Variants in KCNMA1 observed in about 807,000 individuals in gnomAD.
KCNMA1 encodes the protein Calcium-activated potassium channel subunit alpha-1.
KCNMA1 carries 29 observed loss-of-function variants against 140.0 expected under a neutral mutation model. The ratio of observed to expected loss-of-function variants is 0.21; its 90% CI spans 0.15 to 0.28. The LOEUF (loss-of-function observed/expected upper bound fraction) is 0.28. Among genes scored for constraint, KCNMA1 ranks in the 10% least tolerant of loss-of-function variants. The pLI is 1.00. For synonymous variants in KCNMA1, 612 were observed against 611.9 expected (o/e 1.00, Z 0.00); for missense variants, 880 against 1,602.2 (o/e 0.55, Z 7.70).
intron 23 of KCNMA1, among the ~76,000 whole-genome samples, chr10:76,929,334 C>T (rs2058674996): frequency 6.6e-6 from 1 of 152,150 alleles, no homozygotes; most frequent in Non-Finnish European, 1.5e-5. Context: ...TCTTCCATTT[C>T]CTATGCTGAT....
intron 1 of KCNMA1, among the ~76,000 whole-genome samples, chr10:77,532,151 G>A (rs1046043681): frequency 1.8e-4 from 28 of 152,236 alleles, no homozygotes; most frequent in African/African-American, 6.8e-4. Flanking sequence ...CAACTGGGGG[G>A]AAAATGCACT....
At chr10:77,262,623 G>A (rs1211110227) in intron 2 of KCNMA1, among the ~76,000 whole-genome samples, 1 of 152,050 alleles carries the variant, frequency 6.6e-6, no homozygotes, top group Non-Finnish European at 1.5e-5. Context: ...TGTCCTTCCA[G>A]TGGTAATGAG....
intron 13 of KCNMA1, among the ~76,000 whole-genome samples, chr10:77,078,579 G>C (rs1464183808): frequency 6.6e-6 from 1 of 152,156 alleles, no homozygotes; most frequent in Admixed American, 6.5e-5. Context: ...TCTCGACTCT[G>C]GGAATGTGTC....
At chr10:76,982,480 T>TAG (rs10701430) in intron 19 of KCNMA1, among the ~76,000 whole-genome samples, 3,589 of 151,870 alleles carry the variant, frequency 0.024, 156 homozygotes, top group African/African-American at 0.081. Context: ...GGAGTGGCAG[T>TAG]AGAGGGTGGG....
intron 1 of KCNMA1, among the ~76,000 whole-genome samples, chr10:77,478,647 G>C (rs958296640): frequency 1.3e-5 from 2 of 152,136 alleles, no homozygotes; most frequent in African/African-American, 4.8e-5. Context: ...TACATGTGAG[G>C]TATTTCATTT....
chr10:77,240,794 G>C (rs551561262), intron 3 of KCNMA1, among the ~76,000 whole-genome samples: 2 of 152,126 alleles, frequency 1.3e-5, no homozygotes, highest in African/African-American at 4.8e-5. Flanking sequence ...CACCAGATCC[G>C]CCTCACTCAT....
chr10:77,452,483 T>C (rs2097681356), intron 1 of KCNMA1, among the ~76,000 whole-genome samples: 1 of 152,232 alleles, frequency 6.6e-6, no homozygotes, highest in Admixed American at 6.5e-5. Flanking sequence ...AGGTGATGAT[T>C]TATTTATAAT....
At chr10:77,142,248 G>A (rs570582829) in intron 5 of KCNMA1, among the ~76,000 whole-genome samples, 4 of 152,090 alleles carry the variant, frequency 2.6e-5, no homozygotes, top group Admixed American at 2.6e-4. Context: ...GCAGGTGCCT[G>A]TAGTCCCAGC....
chr10:77,098,202 T>C (rs1595895667), intron 9 of KCNMA1, among the ~76,000 whole-genome samples: 1 of 152,230 alleles, frequency 6.6e-6, no homozygotes, highest in Admixed American at 6.5e-5. Context: ...CTTTAAATTC[T>C]GAGAAACTCA....
At chr10:77,515,019 T>C (rs2049888971) in intron 1 of KCNMA1, among the ~76,000 whole-genome samples, 1 of 152,198 alleles carries the variant, frequency 6.6e-6, no homozygotes, top group Non-Finnish European at 1.5e-5. Flanking sequence ...GAGAGGGCTC[T>C]CACCCGCTAG....
chr10:77,419,714 T>G (rs939887588), intron 1 of KCNMA1, among the ~76,000 whole-genome samples: 1 of 152,196 alleles, frequency 6.6e-6, no homozygotes, highest in African/African-American at 2.4e-5. Flanking sequence ...AAAAAATAAA[T>G]TGGGCAAACT....
At chr10:76,966,053 T>C (rs566271626) in intron 20 of KCNMA1, among the ~76,000 whole-genome samples, 6 of 152,304 alleles carry the variant, frequency 3.9e-5, no homozygotes, top group African/African-American at 1.4e-4. Flanking sequence ...AAGGCAGGGA[T>C]CTAATCTAAT....
chr10:77,517,060 T>C (rs2050798184), intron 1 of KCNMA1, among the ~76,000 whole-genome samples: 1 of 151,340 alleles, frequency 6.6e-6, no homozygotes, highest in East Asian at 1.9e-4. Context: ...CATGTGAACA[T>C]GCGTGTGTGA....
intron 1 of KCNMA1, among the ~76,000 whole-genome samples, chr10:77,615,947 T>A (rs778345192): frequency 6.6e-6 from 1 of 152,184 alleles, no homozygotes; most frequent in Non-Finnish European, 1.5e-5. Context: ...AGATGCTAAA[T>A]GCTATTATAC....
chr10:77,362,085 C>T (rs955028960), intron 2 of KCNMA1, among the ~76,000 whole-genome samples: 13 of 152,174 alleles, frequency 8.5e-5, no homozygotes, highest in Admixed American at 2.0e-4. Flanking sequence ...CTCTCCTGCG[C>T]TGTGTCCTCC....
At chr10:77,295,694 T>A (rs1219000567) in intron 2 of KCNMA1, among the ~76,000 whole-genome samples, 2 of 139,194 alleles carry the variant, frequency 1.4e-5, no homozygotes, top group African/African-American at 5.3e-5. Flanking sequence ...GGCAGGAGAA[T>A]GGCGTGAACC....
chr10:77,112,470 C>T, intron 6 of KCNMA1, 28 bp from the exon 7 acceptor site: 1 of 1,583,770 alleles, frequency 6.3e-7, no homozygotes, highest in African/African-American at 1.3e-5. Context: ...AGCAAAATCC[C>T]CACGTTACCA....
intron 24 of KCNMA1, chr10:76,912,223 A>T (rs1211717040): frequency 6.6e-6 from 1 of 152,256 alleles, no homozygotes; most frequent in East Asian, 1.9e-4. Flanking sequence ...TATGTGGTCA[A>T]ATACAATTGG....
chr10:77,070,983 T>C (rs1051021806), intron 14 of KCNMA1, among the ~76,000 whole-genome samples: 4 of 152,212 alleles, frequency 2.6e-5, no homozygotes, highest in African/African-American at 9.6e-5. Flanking sequence ...AGAGAGCTAC[T>C]TCCAAACAGG....
Sources: gnomAD v4.1 joint callset for allele counts (sites outside exome capture counted in the v4.1 genomes callset) on GRCh38, gnomAD v4.1.1 for gene constraint, MANE v1.5 for transcripts, NCBI Gene and HGNC (gene_info 2026-07-23, HGNC 2026-07-21) for gene names.